NOTCH2: variants seen among roughly 807,000 people sequenced by gnomAD.
NOTCH2 encodes the protein notch receptor 2, also known as neurogenic locus notch homolog protein 2.
In NOTCH2, 29 loss-of-function variants were observed where a neutral mutation model predicts 235.8. The ratio of observed to expected loss-of-function variants is 0.12; its 90% confidence interval spans 0.09 to 0.17. The LOEUF (loss-of-function observed/expected upper bound fraction) is 0.17. Among genes scored for constraint, NOTCH2 ranks in the 10% least tolerant of loss-of-function variants. The pLI, the probability that NOTCH2 is intolerant of heterozygous loss-of-function variation, is 1.00. For missense variants in NOTCH2, 2,285 were observed against 3,150.2 expected (o/e 0.73, Z 6.57); for synonymous variants, 1,086 against 1,141.5 (o/e 0.95, Z 0.98).
At chr1:119,949,558 T>G (rs1342484024) in intron 15 of NOTCH2, among the ~76,000 whole-genome samples, 2 of 152,000 alleles carry the variant, frequency 1.3e-5, no homozygotes, top group African/African-American at 4.8e-5. Context: ...GGCTAATTTT[T>G]TATATTTTTA....
intron 5 of NOTCH2, among the ~76,000 whole-genome samples, chr1:119,972,093 A>G (rs1553200428): frequency 6.6e-6 from 1 of 151,532 alleles, no homozygotes; most frequent in African/African-American, 2.4e-5. Context: ...GTGAGAGAGT[A>G]AAAGATGGAG....
At chr1:120,000,258 G>C (rs61787013) in intron 3 of NOTCH2, among the ~76,000 whole-genome samples, 24,258 of 151,180 alleles carry the variant, frequency 0.16, 2,237 homozygotes, top group African/African-American at 0.31. Flanking sequence ...AGAATCGGCC[G>C]GGTGTGGTGG....
rs1648920781 is a variant in NOTCH2, at chr1:119,912,276, C to G, written c.*3030G>C. ...TGTACACAAGGAAGTAACCATAGTA[C>G]CACTTATTAGTGGGGGCCTCTGGGT... On this transcript the variant is annotated 3_prime_UTR_variant, in exon 34 of 34. Coordinates refer to ENST00000256646, the MANE Select transcript of NOTCH2 (RefSeq NM_024408.4). 8.6e-6 allele frequency: 2 copies of G among 233,112 alleles called. No individual in the cohort carries two copies. The highest frequency in any genetic ancestry group is 4.4e-5 in the African/African-American group (2 of 45,282). 14.4% of individuals were successfully genotyped at this position (233,112 alleles called of 1,614,324 possible).
chr1:119,987,087 T>C lies in NOTCH2; in HGVS notation c.752-5A>G, dbSNP rs1652048902. 3 of 1,613,172 alleles carry C rather than the reference T, an allele frequency of 1.9e-6. No individual in the cohort carries two copies. The African/African-American group carries it at 4.0e-5, about 22-fold the overall frequency. ...CACAGGTGCTCCCTTCAAAACCTGG[T>C]AAATGAAGAACAAATGAAAATGATG... On this transcript the variant is annotated splice_polypyrimidine_tract_variant and splice_region_variant and intron_variant, in intron 4 of 33. Coordinates refer to ENST00000256646, the MANE Select transcript of NOTCH2 (RefSeq NM_024408.4).
At chr1:119,932,607 ATATCTATCTATCTATCTATC>A (rs61476083) in intron 22 of NOTCH2, among the ~76,000 whole-genome samples, 25 of 148,458 alleles carry the variant, frequency 1.7e-4, no homozygotes, top group African/African-American at 5.7e-4. Flanking sequence ...AAACAAACAA[ATATCTATCTATCTATCTATC>A]TATCTATCTA....
intron 4 of NOTCH2, 149 bp downstream of exon 4, chr1:119,996,848 A>C (rs782790555): frequency 5.5e-6 from 5 of 903,636 alleles, no homozygotes; most frequent in Non-Finnish European, 7.3e-6. Flanking sequence ...TGGGCCCATA[A>C]AACTCCTCCC....
chr1:120,033,950 C>T (rs61788905), intron 1 of NOTCH2, among the ~76,000 whole-genome samples: 2 of 150,844 alleles, frequency 1.3e-5, no homozygotes, highest in Non-Finnish European at 1.5e-5. Context: ...TCTTGAGACT[C>T]GTGGCTTTAC....
chr1:119,998,000 C>A (rs1257370044), intron 3 of NOTCH2, among the ~76,000 whole-genome samples: 1 of 148,962 alleles, frequency 6.7e-6, no homozygotes, highest in Non-Finnish European at 1.5e-5. Context: ...AAATCAACTT[C>A]CCTTCTGTTT....
chr1:119,975,000 T>C (rs1280903284), intron 5 of NOTCH2, among the ~76,000 whole-genome samples: 1 of 152,218 alleles, frequency 6.6e-6, no homozygotes, highest in East Asian at 1.9e-4. Context: ...ATGCTCATTT[T>C]ACAGATGAGG....
intron 5 of NOTCH2, among the ~76,000 whole-genome samples, chr1:119,980,791 G>C (rs1651783508): frequency 6.6e-6 from 1 of 152,150 alleles, no homozygotes; most frequent in South Asian, 2.1e-4. Flanking sequence ...CGCAGTAAGA[G>C]AAGTAAAATA....
At chr1:119,966,338 G>A in intron 9 of NOTCH2, 38 bp downstream of exon 9, 1 of 1,409,590 alleles carries the variant, frequency 7.1e-7, no homozygotes, top group South Asian at 1.1e-5. Flanking sequence ...TTGGCTTTGT[G>A]CTTTAAGAGA....
At chr1:120,014,991 C>CTT (rs60671945) in intron 2 of NOTCH2, among the ~76,000 whole-genome samples, 5 of 126,398 alleles carry the variant, frequency 4.0e-5, no homozygotes, top group African/African-American at 1.4e-4. Context: ...CTGTCTTTAG[C>CTT]TTTTTTTTTT....
chr1:120,007,301 C>CACCT (rs1653016696), intron 2 of NOTCH2, among the ~76,000 whole-genome samples: 1 of 149,492 alleles, frequency 6.7e-6, no homozygotes, highest in Non-Finnish European at 1.5e-5. Context: ...TCCATTTTCT[C>CACCT]ACATTGTAAA....
chr1:119,937,786 T>C (rs780121028), intron 20 of NOTCH2, 71 bp downstream of exon 20: 21 of 1,573,780 alleles, frequency 1.3e-5, no homozygotes, highest in African/African-American at 2.7e-5. Context: ...AAAAAAATGA[T>C]ACCTTCTCTA....
intron 13 of NOTCH2, 47 bp from the exon 14 acceptor site, chr1:119,953,735 T>C (rs781805783): frequency 2.6e-6 from 4 of 1,543,934 alleles, no homozygotes. Context: ...AAACGTATGA[T>C]TGAGTCATAG....
intron 17 of NOTCH2, among the ~76,000 whole-genome samples, chr1:119,944,945 A>C (rs1008144550): frequency 6.6e-6 from 1 of 152,194 alleles, no homozygotes; most frequent in Non-Finnish European, 1.5e-5. Flanking sequence ...ATAAAGACCA[A>C]TAAGACTTGA....
chr1:120,047,911 C>T (rs1553213889), intron 1 of NOTCH2, among the ~76,000 whole-genome samples: 1 of 137,628 alleles, frequency 7.3e-6, no homozygotes, highest in East Asian at 2.2e-4. Flanking sequence ...ATTACAGGTG[C>T]ACGCCACCAT....
intron 5 of NOTCH2, among the ~76,000 whole-genome samples, chr1:119,984,459 C>T (rs1346328201): frequency 1.3e-5 from 2 of 152,240 alleles, no homozygotes; most frequent in East Asian, 3.9e-4. Flanking sequence ...AAAGATTACA[C>T]AGATAAAACA....
intron 1 of NOTCH2, among the ~76,000 whole-genome samples, chr1:120,058,349 C>T (rs1265526393): frequency 8.0e-5 from 12 of 150,298 alleles, no homozygotes; most frequent in East Asian, 2.0e-4. Flanking sequence ...ACTAAAACTA[C>T]AAAAAATTAG....
Sources: allele counts gnomAD v4.1 joint callset (sites outside exome capture counted in the v4.1 genomes callset), GRCh38; gene constraint gnomAD v4.1.1; transcripts MANE v1.5; gene names NCBI Gene and HGNC (gene_info 2026-07-23, HGNC 2026-07-21).